FCRL1: variants seen among roughly 807,000 people sequenced by gnomAD.
The protein encoded by FCRL1 is Fc receptor like 1.
Under a neutral mutation model 49.2 loss-of-function variants are expected in FCRL1, and 34 were observed. The ratio of observed to expected loss-of-function variants is 0.69; its 90% CI spans 0.53 to 0.92. FCRL1 has a LOEUF of 0.92. Ranked by LOEUF, FCRL1 falls within the 40% of genes least tolerant of loss-of-function variation. The probability of loss-of-function intolerance (pLI) is 0.00; values close to 1 mark genes in which losing one functional copy is unlikely to be tolerated. For missense variants in FCRL1, 524 were observed against 524.1 expected, an observed-to-expected ratio of 1.00 and a Z score of 0.00; for synonymous variants, 218 against 201.6, an observed-to-expected ratio of 1.08 and a Z score of -0.69.
chr1:157,807,893 T>A (rs969748529), intron 1 of FCRL1, among the ~76,000 whole-genome samples: 14 of 152,224 alleles, frequency 9.2e-5, no homozygotes, highest in Admixed American at 8.5e-4. Context: ...AAAGTGTAGA[T>A]AATTGTGGTA....
Position 157,797,897 on chromosome 1 carries a change from T to C in FCRL1, c.1157A>G (p.Tyr386Cys), listed in dbSNP as rs757162090. Residue 386 changes from tyrosine (Y) to cysteine (C), a missense_variant, in exon 9 of 11, where the codon TAT becomes TGT. By Grantham distance (194) the Tyr-to-Cys change is radical. Transcript: ENST00000368176. ...TACTGATTCCTGCTCCGGCTGGTTA[T>C]AGTACGCCAGTGAATAAACCTCATC... ...SGDEVYSLAYYNQPEQESVAA... is the reference protein window; with the variant it reads ...SGDEVYSLAYCNQPEQESVAA... 19 of 1,614,084 alleles carry C rather than the reference T, an allele frequency of 1.2e-5. No homozygotes were observed. Among genetic ancestry groups the C allele is most frequent in the Admixed American group, 3.3e-5 (2 of 60,016 alleles).
chr1:157,820,087 A>G lies in FCRL1; in HGVS notation c.-50T>C. ...TAGAGATGCCTCTCATCAAAAAAAG[A>G]ATGCACCTCAGAGTCGAGCAGCAGC... On this transcript the variant is annotated 5_prime_UTR_variant, in exon 1 of 11. Coordinates refer to ENST00000368176, the MANE Select transcript of FCRL1 (RefSeq NM_052938.5). 6.2e-7 allele frequency: 1 copy of G among 1,607,052 alleles called. No homozygotes were observed. The highest frequency in any genetic ancestry group is 2.2e-5 in the East Asian group (1 of 44,846).
chr1:157,798,102 A>T (rs1429857257), intron 8 of FCRL1, 59 bp downstream of exon 8: 2 of 1,560,458 alleles, frequency 1.3e-6, no homozygotes, highest in East Asian at 2.3e-5. Context: ...ATGTTATCCC[A>T]TTGTCCCTTC....
intron 3 of FCRL1, among the ~76,000 whole-genome samples, 182 bp from the exon 4 acceptor site, chr1:157,802,846 AC>A: frequency 6.6e-6 from 1 of 152,300 alleles, no homozygotes; most frequent in South Asian, 2.1e-4. Context: ...GATAAGAAAG[AC>A]ACCATAGTAT....
At chr1:157,802,806 G>T in intron 3 of FCRL1, 142 bp from the exon 4 acceptor site, 2 of 803,906 alleles carry the variant, frequency 2.5e-6, no homozygotes, top group Non-Finnish European at 3.8e-6. Flanking sequence ...GTGGGGAGGG[G>T]TCTGCTGATT....
intron 1 of FCRL1, among the ~76,000 whole-genome samples, chr1:157,813,965 A>C (rs1264524755): frequency 6.6e-6 from 1 of 152,176 alleles, no homozygotes; most frequent in Non-Finnish European, 1.5e-5. Flanking sequence ...AACTTTCAGC[A>C]AGAATACTAT....
At position 157,807,855 on chromosome 1, in the gene FCRL1, C is replaced by T. The variant is rs530335256; in HGVS notation, c.32-733G>A. Among the ~76,000 whole-genome samples the T allele has an allele frequency of 2.6e-5, 4 of 152,342 alleles. No individual in the cohort carries two copies. The South Asian group carries it at 8.3e-4, about 32-fold the overall frequency. On this transcript the variant is annotated intron_variant, in intron 1 of 10. Coordinates refer to ENST00000368176, the MANE Select transcript of FCRL1 (RefSeq NM_052938.5). Reference sequence around the variant, plus strand: ...TGTGACTGTGGGAGAAATGTTTCACCTCTCTGTGCTTTAGTTTCCTTGTCG... The same window carrying T: ...TGTGACTGTGGGAGAAATGTTTCACTTCTCTGTGCTTTAGTTTCCTTGTCG...
rs1225435704 is a variant in FCRL1 at position 157,794,500 on chromosome 1, T to C, written c.*1599A>G. 1 of 152,200 alleles carries C rather than the reference T, an allele frequency of 6.6e-6. No individual in the cohort carries two copies. Among genetic ancestry groups the C allele is most frequent in the Admixed American group, 6.5e-5 (1 of 15,268 alleles). 9.4% of individuals were successfully genotyped at this position (152,200 alleles called of 1,614,324 possible). Reference sequence around the variant, plus strand: ...ATTTCCCAGACGTTGTTGGTGAAGATATAAATTGATACAGCCTTACCTGAG... The same window carrying C: ...ATTTCCCAGACGTTGTTGGTGAAGACATAAATTGATACAGCCTTACCTGAG... On this transcript the variant is annotated 3_prime_UTR_variant, in exon 11 of 11. Transcript: ENST00000368176.
At chr1:157,797,713 G>C in intron 9 of FCRL1, 155 bp downstream of exon 9, 1 of 1,540,270 alleles carries the variant, frequency 6.5e-7, no homozygotes, top group South Asian at 1.2e-5. Context: ...ACTCAAGGTA[G>C]CTCCAGACCC....
rs1328444271 is a variant in FCRL1, at chr1:157,800,069, C to A, written c.1020G>T (p.Arg340Ser). The A allele has an allele frequency of 1.2e-6, 2 of 1,613,222 alleles. No individual in the cohort carries two copies. The highest frequency in any genetic ancestry group is 2.2e-5 in the South Asian group (2 of 90,948). ...LKRKIGRRSA[R>S]DPLRSLPSPL... ...AAAACAGGCCTCACCTGAGTGGATC[C>A]CTGGCTGAACGTCTTCCTGAAAGAA... The change falls in exon 7 of 11, where the codon AGG (arginine) becomes AGT (serine). Residue 340 changes from arginine to serine, a missense_variant. Physicochemically the swap from Arg to Ser is moderately radical, Grantham distance 110. Coordinates refer to ENST00000368176, the MANE Select transcript of FCRL1 (RefSeq NM_052938.5).
chr1:157,795,315 A>C lies in FCRL1; in HGVS notation c.*784T>G, dbSNP rs1651315028. ...CGTTGCAGTGAGGCAAGATTGTGCCACTGCATTCCAGATTGAGTGACAGAG... is the reference window on the plus strand; with the variant it reads ...CGTTGCAGTGAGGCAAGATTGTGCCCCTGCATTCCAGATTGAGTGACAGAG... On this transcript the variant is annotated 3_prime_UTR_variant, in exon 11 of 11. Coordinates refer to ENST00000368176, the MANE Select transcript of FCRL1 (RefSeq NM_052938.5). 6.6e-6 allele frequency: 1 copy of C among 152,208 alleles called. No homozygotes were observed. The highest frequency in any genetic ancestry group is 2.1e-4 in the South Asian group (1 of 4,830). The allele number at this position is 152,208 out of a possible 1,614,324, so 9.4% of individuals were successfully genotyped here.
Position 157,802,780 on chromosome 1 carries a change from G to A in FCRL1, c.320-116C>T, listed in dbSNP as rs915178853. On this transcript the variant is annotated intron_variant, in intron 3 of 10. Transcript: ENST00000368176. ...ATGAGTGAAGTCAATGATGTATATA[G>A]CTTAATTTGGGTGAGGTGGGGAGGG... The A allele has an allele frequency of 1.8e-4, 200 of 1,108,594 alleles. 1 individual carries two copies. The highest frequency in any genetic ancestry group is 2.4e-5 in the Non-Finnish European group (19 of 796,580). The allele number at this position is 1,108,594 out of a possible 1,614,324, so 68.7% of individuals were successfully genotyped here.
At chr1:157,808,912 G>T (rs919266721) in intron 1 of FCRL1, among the ~76,000 whole-genome samples, 1 of 152,168 alleles carries the variant, frequency 6.6e-6, no homozygotes, top group African/African-American at 2.4e-5. Context: ...TTTGGCCACA[G>T]CAACTGGAAG....
intron 9 of FCRL1, chr1:157,797,636 T>C: frequency 9.2e-7 from 1 of 1,091,292 alleles, no homozygotes; most frequent in Non-Finnish European, 1.3e-6. Flanking sequence ...TAAGTGACTA[T>C]AATTTAAGAA....
At chr1:157,809,690 C>A (rs1654025551) in intron 1 of FCRL1, among the ~76,000 whole-genome samples, 2 of 152,220 alleles carry the variant, frequency 1.3e-5, no homozygotes, top group Admixed American at 1.3e-4. Context: ...GAACTCCTGA[C>A]CTCAGGTGAT....
intron 1 of FCRL1, among the ~76,000 whole-genome samples, chr1:157,810,844 A>G (rs1157792710): frequency 6.6e-6 from 1 of 152,164 alleles, no homozygotes; most frequent in Non-Finnish European, 1.5e-5. Context: ...GCTGGAGGTC[A>G]GATCACTGCA....
At chr1:157,814,656 A>G (rs1654789386) in intron 1 of FCRL1, among the ~76,000 whole-genome samples, 1 of 152,056 alleles carries the variant, frequency 6.6e-6, no homozygotes, top group Non-Finnish European at 1.5e-5. Context: ...AAATTATTCA[A>G]TTAAAAAATA....
At position 157,801,418 on chromosome 1, in the gene FCRL1, C is replaced by A. The variant is rs772737316; in HGVS notation, c.1003+43G>T. The A allele has an allele frequency of 3.2e-6, 4 of 1,259,674 alleles. No individual in the cohort carries two copies. In the South Asian group the frequency reaches 4.9e-5, roughly 15 times the overall value. 78.0% of individuals were successfully genotyped at this position (1,259,674 alleles called of 1,614,324 possible). A position where few individuals can be genotyped will look rare whatever the true frequency, so the allele number is the denominator to read the frequency against. On this transcript the variant is annotated intron_variant, in intron 6 of 10. Coordinates refer to ENST00000368176, the MANE Select transcript of FCRL1 (RefSeq NM_052938.5). ...CAATTTCAGCCTATTTCAGTGAAAA[C>A]AAAGATCACAGTAACAAAATGCCAC...
At chr1:157,797,707 A>T (rs1001929953) in intron 9 of FCRL1, 161 bp downstream of exon 9, 1 of 1,529,570 alleles carries the variant, frequency 6.5e-7, no homozygotes. Flanking sequence ...GGCTCTACTC[A>T]AGGTAGCTCC....
Sources: allele counts gnomAD v4.1 joint callset (sites outside exome capture counted in the v4.1 genomes callset), GRCh38; gene constraint gnomAD v4.1.1; transcripts MANE v1.5; gene names NCBI Gene and HGNC (gene_info 2026-07-23, HGNC 2026-07-21).